MLIP: variants seen among roughly 807,000 people sequenced by gnomAD.
The protein encoded by MLIP is muscular LMNA-interacting protein.
In MLIP, 79 loss-of-function variants were observed where a neutral mutation model predicts 84.8. The observed-to-expected ratio is 0.93, with a 90% CI of 0.78 to 1.12. MLIP has a LOEUF of 1.12. Among genes scored for constraint, MLIP ranks in the 50% most tolerant of loss-of-function variants. MLIP has a pLI of 0.00. For synonymous variants in MLIP, 504 were observed against 463.0 expected (o/e 1.09, Z -1.14); for missense variants, 1,257 against 1,160.6 (o/e 1.08, Z -1.21).
Position 54,064,411 on chromosome 6 carries a change from C to G in MLIP, c.63+45320C>G, listed in dbSNP as rs1381385315. Among the ~76,000 whole-genome samples, 5 of 99,730 alleles carry G rather than the reference C, an allele frequency of 5.0e-5. 2 individuals carry two copies. Among genetic ancestry groups the G allele is most frequent in the African/African-American group, 1.3e-4 (5 of 38,978 alleles). 65.4% of individuals were successfully genotyped at this position (99,730 alleles called of 152,430 possible). On this transcript the variant is annotated intron_variant, in intron 1 of 12. Transcript: ENST00000274897. ...TAATTTATTGGCACAGTAAAGAAGA[C>G]TATGTGATACAAGAATCTCAAGACT... is the stretch of plus-strand genomic sequence containing the variant.
chr6:54,109,483 A>G (rs1325027842), upstream of MLIP, among the ~76,000 whole-genome samples: 1 of 152,066 alleles, frequency 6.6e-6, no homozygotes, highest in Non-Finnish European at 1.5e-5. Context: ...CAGCCAGTGG[A>G]TGATGTGGCT....
chr6:54,068,046 TCC>T (rs1766297502), intron 1 of MLIP, among the ~76,000 whole-genome samples: 2 of 54,458 alleles, frequency 3.7e-5, no homozygotes, highest in African/African-American at 8.0e-5. Flanking sequence ...TTTCTTTCCT[TCC>T]TTCCTTCCTT....
At chr6:54,145,109 C>A (rs1326806462) in intron 4 of MLIP, among the ~76,000 whole-genome samples, 1 of 151,980 alleles carries the variant, frequency 6.6e-6, no homozygotes, top group African/African-American at 2.4e-5. Flanking sequence ...TGGAGAGAAC[C>A]AATAGGTATT....
At chr6:54,095,893 G>A (rs1009875930) in intron 1 of MLIP, among the ~76,000 whole-genome samples, 10 of 152,070 alleles carry the variant, frequency 6.6e-5, no homozygotes, top group African/African-American at 2.2e-4. Context: ...CCGAGAGCAC[G>A]GTGTTCCTCA....
rs957045562 is a variant in MLIP, at chr6:54,083,563, T to C, written c.64-37884T>C. ...ACTGCTTTCTTGACATCTGCTAGTT[T>C]GACACGTGGCACCGGATTCCATGTG... On this transcript the variant is annotated intron_variant, in intron 1 of 12. Coordinates refer to the MLIP transcript ENST00000274897. 9.8e-6 allele frequency: 15 copies of C among 1,535,946 alleles called. No homozygotes were observed. The Admixed American group carries it at 1.2e-4, about 12-fold the overall frequency.
chr6:54,093,808 A>G (rs536438495), intron 1 of MLIP, among the ~76,000 whole-genome samples: 1 of 152,098 alleles, frequency 6.6e-6, no homozygotes, highest in Admixed American at 6.6e-5. Flanking sequence ...TTCTTTGCAT[A>G]TTTTCTTTGA....
chr6:54,190,816 G>A (rs992930493), intron 10 of MLIP, among the ~76,000 whole-genome samples: 1 of 140,284 alleles, frequency 7.1e-6, no homozygotes, highest in African/African-American at 2.7e-5. Flanking sequence ...TTTTTTTTGA[G>A]ACGGAGTCTC....
chr6:54,072,312 T>C (rs559599312), intron 1 of MLIP, among the ~76,000 whole-genome samples: 150 of 152,242 alleles, frequency 9.9e-4, no homozygotes, highest in South Asian at 4.3e-3. Flanking sequence ...CCCTAGAACT[T>C]CTCTATCCCC....
intron 11 of MLIP, among the ~76,000 whole-genome samples, chr6:54,224,584 A>T (rs1562078563): frequency 1.3e-5 from 2 of 151,968 alleles, no homozygotes; most frequent in Non-Finnish European, 2.9e-5. Context: ...TATTATTATT[A>T]TTATTTTATT....
At chr6:54,193,713 CAGTT>C (rs970285248) in intron 10 of MLIP, among the ~76,000 whole-genome samples, 5 of 152,028 alleles carry the variant, frequency 3.3e-5, no homozygotes, top group African/African-American at 1.2e-4. Flanking sequence ...TGGGTAGGGT[CAGTT>C]AGAGTACTGA....
At chr6:54,251,790 T>TATAATATAAATATATATATTATAACAG (rs1173115977) in intron 12 of MLIP, among the ~76,000 whole-genome samples, 6 of 98,082 alleles carry the variant, frequency 6.1e-5, no homozygotes, top group Non-Finnish European at 8.8e-5. Context: ...ACATATAATA[T>TATAATATAAATATATATATTATAACAG]ATAATATAAA....
chr6:54,258,810 C>T (rs768153934), intron 13 of MLIP, among the ~76,000 whole-genome samples: 71 of 151,914 alleles, frequency 4.7e-4, no homozygotes, highest in Non-Finnish European at 7.9e-4. Flanking sequence ...TGTCTAAAGT[C>T]AAATAGCTAG....
chr6:54,109,850 T>A (rs1769289189), upstream of MLIP, among the ~76,000 whole-genome samples: 1 of 151,824 alleles, frequency 6.6e-6, no homozygotes, highest in Non-Finnish European at 1.5e-5. Flanking sequence ...CCCCAGGGGA[T>A]TTATGTGTGC....
At chr6:54,083,425 C>A in intron 1 of MLIP, 2 of 1,481,332 alleles carry the variant, frequency 1.4e-6, no homozygotes, top group Non-Finnish European at 1.8e-6. Context: ...GGAAGGAGGG[C>A]ATAATTTGTA....
At chr6:54,087,536 G>C (rs931511027) in intron 1 of MLIP, among the ~76,000 whole-genome samples, 1 of 152,112 alleles carries the variant, frequency 6.6e-6, no homozygotes, top group African/African-American at 2.4e-5. Context: ...GAATCTAATA[G>C]AGGGGCCAAC....
At chr6:54,127,173 T>C (rs1770989564) in intron 3 of MLIP, among the ~76,000 whole-genome samples, 1 of 152,196 alleles carries the variant, frequency 6.6e-6, no homozygotes, top group Admixed American at 6.5e-5. Context: ...GGAAAGGAGT[T>C]AGTTCTTGTT....
chr6:54,035,257 C>G (rs1361036707), intron 1 of MLIP, among the ~76,000 whole-genome samples: 1 of 152,134 alleles, frequency 6.6e-6, no homozygotes, highest in Non-Finnish European at 1.5e-5. Flanking sequence ...GACTTAGCAT[C>G]ACTTCCTTAA....
At chr6:54,174,963 A>T (rs927747299) in intron 9 of MLIP, among the ~76,000 whole-genome samples, 1 of 151,932 alleles carries the variant, frequency 6.6e-6, no homozygotes, top group African/African-American at 2.4e-5. Flanking sequence ...ATTCTTTTGC[A>T]TATGGACACC....
chr6:54,025,128 C>A (rs564452517), intron 1 of MLIP, among the ~76,000 whole-genome samples: 3 of 151,896 alleles, frequency 2.0e-5, no homozygotes, highest in African/African-American at 7.3e-5. Context: ...GAATTACAGG[C>A]GTGAGCCGTT....
Sources: gnomAD v4.1 joint callset for allele counts (sites outside exome capture counted in the v4.1 genomes callset) on GRCh38, gnomAD v4.1.1 for gene constraint, MANE v1.5 for transcripts, NCBI Gene and HGNC (gene_info 2026-07-23, HGNC 2026-07-21) for gene names.